The following HSPA12A variants were observed in gnomAD, a reference collection of about 807,000 sequenced individuals.
HSPA12A encodes heat shock 70 kDa protein 12A.
A neutral mutation model predicts 69.2 loss-of-function variants in HSPA12A; 28 were observed. The observed-to-expected ratio is 0.40, with a 90% CI of 0.30 to 0.55. The LOEUF is 0.55. Ranked by LOEUF, HSPA12A falls within the 20% of genes least tolerant of loss-of-function variation. The pLI is 0.38. For synonymous variants in HSPA12A, 345 were observed against 370.5 expected (o/e 0.93, Z 0.79); for missense variants, 686 against 900.7 (o/e 0.76, Z 3.05).
At chr10:116,784,716 G>T (rs1844539514) in intron 2 of HSPA12A, among the ~76,000 whole-genome samples, 1 of 152,188 alleles carries the variant, frequency 6.6e-6, no homozygotes, top group Admixed American at 6.5e-5. Flanking sequence ...TGTGCTTCCG[G>T]CCCCAGCTGA....
At chr10:116,809,459 T>A (rs1845131809) in intron 2 of HSPA12A, among the ~76,000 whole-genome samples, 1 of 152,196 alleles carries the variant, frequency 6.6e-6, no homozygotes, top group Non-Finnish European at 1.5e-5. Context: ...TTTCCTTGTT[T>A]CTAAAAAGAG....
intron 2 of HSPA12A, among the ~76,000 whole-genome samples, chr10:116,791,491 G>A (rs1844699140): frequency 6.6e-6 from 1 of 152,194 alleles, no homozygotes; most frequent in African/African-American, 2.4e-5. Context: ...CAGCCAATTA[G>A]TGCAATTGCA....
At chr10:116,729,408 T>C (rs887400414) in intron 1 of HSPA12A, among the ~76,000 whole-genome samples, 2 of 152,140 alleles carry the variant, frequency 1.3e-5, no homozygotes, top group African/African-American at 4.8e-5. Flanking sequence ...TTGGAAATAC[T>C]CTGCACTGAC....
intron 3 of HSPA12A, among the ~76,000 whole-genome samples, chr10:116,704,354 G>A (rs1187654823): frequency 6.6e-6 from 1 of 150,810 alleles, no homozygotes; most frequent in Non-Finnish European, 1.5e-5. Context: ...GCAAACTATC[G>A]CAAGGACAAA....
chr10:116,733,524 G>A (rs1198515857), intron 1 of HSPA12A, among the ~76,000 whole-genome samples: 1 of 152,190 alleles, frequency 6.6e-6, no homozygotes, highest in Non-Finnish European at 1.5e-5. Flanking sequence ...AAGGGCACTG[G>A]CGTAATCCAT....
intron 2 of HSPA12A, among the ~76,000 whole-genome samples, chr10:116,771,865 G>A (rs118076265): frequency 0.02 from 3,021 of 152,246 alleles, 86 homozygotes; most frequent in African/African-American, 0.067. Context: ...TGCTGGGGGC[G>A]GTGGGGAGGT....
At chr10:116,811,175 A>G (rs1344896196) in intron 2 of HSPA12A, among the ~76,000 whole-genome samples, 1 of 152,178 alleles carries the variant, frequency 6.6e-6, no homozygotes, top group Non-Finnish European at 1.5e-5. Context: ...CACTTGGGCA[A>G]AGGCTTAAGA....
intron 2 of HSPA12A, among the ~76,000 whole-genome samples, chr10:116,793,587 CAAACA>C (rs1486465185): frequency 2.6e-5 from 4 of 151,064 alleles, no homozygotes; most frequent in Non-Finnish European, 4.4e-5. Flanking sequence ...AAACAACAAA[CAAACA>C]AAAAAAACCC....
At position 116,676,425 on chromosome 10, in the gene HSPA12A, G is replaced by T. The variant is rs563208781; in HGVS notation, c.1364C>A (p.Thr455Asn). Residue 455 changes from threonine to asparagine, a missense_variant, in exon 11 of 12, where the codon ACC becomes AAC. Coordinates refer to ENST00000369209, the MANE Select transcript of HSPA12A (RefSeq NM_025015.3). Reference sequence around the variant, plus strand: ...GAGATGCTCAATGATGCTATCGATGGTCGGCTTAAAAAGGGCGTTCATGGC... The same window carrying T: ...GAGATGCTCAATGATGCTATCGATGTTCGGCTTAAAAAGGGCGTTCATGGC... ...PDAMNALFKP[T>N]IDSIIEHLRD... is the part of the protein sequence containing the mutation. 6.2e-7 allele frequency: 1 copy of T among 1,613,920 alleles called. No homozygotes were observed.
intron 2 of HSPA12A, among the ~76,000 whole-genome samples, chr10:116,792,343 A>C (rs1223389913): frequency 1.3e-5 from 2 of 151,258 alleles, no homozygotes; most frequent in East Asian, 3.9e-4. Context: ...AAGAGTTCGG[A>C]GTGAGAGGTT....
intron 1 of HSPA12A, among the ~76,000 whole-genome samples, chr10:116,721,256 G>C (rs1850767151): frequency 6.6e-6 from 1 of 152,208 alleles, no homozygotes; most frequent in South Asian, 2.1e-4. Context: ...GAGCAGTAAA[G>C]AGAGATAAAT....
At chr10:116,694,934 C>T (rs1849842956) in intron 5 of HSPA12A, among the ~76,000 whole-genome samples, 1 of 152,180 alleles carries the variant, frequency 6.6e-6, no homozygotes, top group South Asian at 2.1e-4. Flanking sequence ...GAACACCACC[C>T]AGTCCCCTCC....
chr10:116,844,395 C>T (rs1036853430), intron 1 of HSPA12A, among the ~76,000 whole-genome samples: 2 of 152,152 alleles, frequency 1.3e-5, no homozygotes, highest in African/African-American at 4.8e-5. Flanking sequence ...CAAAAGCCTC[C>T]CCATTTATTA....
intron 1 of HSPA12A, among the ~76,000 whole-genome samples, chr10:116,718,023 T>C (rs997644742): frequency 6.6e-6 from 1 of 152,192 alleles, no homozygotes; most frequent in African/African-American, 2.4e-5. Context: ...TGAGCCTTCC[T>C]GTATTCTACA....
At chr10:116,745,192 T>C (rs1475551061), upstream of HSPA12A, among the ~76,000 whole-genome samples, 1 of 152,220 alleles carries the variant, frequency 6.6e-6, no homozygotes, top group Non-Finnish European at 1.5e-5. Flanking sequence ...CAGTTCTGCA[T>C]CTCTGTGTCT....
At chr10:116,766,710 T>C (rs1844084472) in intron 2 of HSPA12A, among the ~76,000 whole-genome samples, 1 of 152,202 alleles carries the variant, frequency 6.6e-6, no homozygotes, top group African/African-American at 2.4e-5. Context: ...CTTTTAATCA[T>C]GTTTCTCTTC....
intron 2 of HSPA12A, among the ~76,000 whole-genome samples, chr10:116,753,429 G>A (rs1843753549): frequency 6.6e-6 from 1 of 152,224 alleles, no homozygotes; most frequent in Non-Finnish European, 1.5e-5. Flanking sequence ...CTGGCTCCAA[G>A]ACCAGGTTCT....
At chr10:116,834,885 G>A in intron 2 of HSPA12A, 1 of 1,063,528 alleles carries the variant, frequency 9.4e-7, no homozygotes, top group East Asian at 3.3e-5. Flanking sequence ...TTCTGGGGCA[G>A]TTATTTCAGA....
intron 1 of HSPA12A, among the ~76,000 whole-genome samples, chr10:116,735,567 G>A (rs903852512): frequency 4.6e-5 from 7 of 152,152 alleles, no homozygotes; most frequent in Non-Finnish European, 1.0e-4. Context: ...CCAACCCCCA[G>A]ACCTGTGAGC....
Sources: gnomAD v4.1 joint callset for allele counts (sites outside exome capture counted in the v4.1 genomes callset) on GRCh38, gnomAD v4.1.1 for gene constraint, MANE v1.5 for transcripts, NCBI Gene and HGNC (gene_info 2026-07-23, HGNC 2026-07-21) for gene names.